Variants in SLC2A9 observed in about 807,000 individuals in gnomAD.
The protein encoded by SLC2A9 is solute carrier family 2, facilitated glucose transporter member 9.
SLC2A9 carries 39 observed loss-of-function variants against 50.6 expected under a neutral mutation model. The observed-to-expected ratio is 0.77, with a 90% CI of 0.60 to 1.01. SLC2A9 has a LOEUF of 1.01. Ranked by LOEUF, SLC2A9 falls within the 50% of genes least tolerant of loss-of-function variation. The probability of loss-of-function intolerance (pLI) is 0.00; values close to 1 mark genes in which losing one functional copy is unlikely to be tolerated. For missense variants in SLC2A9, 686 were observed against 677.6 expected (o/e 1.01, Z -0.14); for synonymous variants, 324 against 276.9 (o/e 1.17, Z -1.69).
At chr4:9,980,238 G>C (rs1241836141) in intron 5 of SLC2A9, among the ~76,000 whole-genome samples, 14 of 152,130 alleles carry the variant, frequency 9.2e-5, no homozygotes, top group Non-Finnish European at 5.9e-5. Context: ...GAAAACACCA[G>C]GTTGTAGAAC....
At chr4:9,974,048 C>T (rs908527377) in intron 5 of SLC2A9, among the ~76,000 whole-genome samples, 2 of 152,052 alleles carry the variant, frequency 1.3e-5, no homozygotes, top group East Asian at 1.9e-4. Flanking sequence ...TGATTCACCA[C>T]AATAGATGCA....
Position 10,019,011 on chromosome 4 carries a change from G to T in SLC2A9, c.213C>A (p.Tyr71Ter). Residue 71 changes from tyrosine to a stop codon, truncating the protein, a stop_gained, in exon 2 of 12, where the codon TAC (tyrosine) becomes TAA (stop). Coordinates refer to ENST00000264784, the MANE Select transcript of SLC2A9 (RefSeq NM_020041.3). LOFTEE classifies it high-confidence loss of function. ...CATTCACCACCGACAGGTTGTAGCCGTAGAGGAAGGAGGAGCCGAAGGCGC... is the reference window on the plus strand; with the variant it reads ...CATTCACCACCGACAGGTTGTAGCCTTAGAGGAAGGAGGAGCCGAAGGCGC... ...LAGAFGSSFL[Y>*]GYNLSVVNAP... The T allele has an allele frequency of 6.4e-7, 1 of 1,550,776 alleles. No individual in the cohort carries two copies. Among genetic ancestry groups the T allele is most frequent in the Non-Finnish European group, 8.7e-7 (1 of 1,146,990 alleles).
At chr4:9,782,266 C>A (rs1383756235) in intron 3 of SLC2A9, 1 of 1,613,948 alleles carries the variant, frequency 6.2e-7, no homozygotes, top group Middle Eastern at 1.7e-4. Context: ...CCAACGTCTT[C>A]ATCGTGTCTC....
At chr4:9,960,448 G>A (rs529575709) in intron 5 of SLC2A9, among the ~76,000 whole-genome samples, 1 of 152,296 alleles carries the variant, frequency 6.6e-6, no homozygotes, top group South Asian at 2.1e-4. Flanking sequence ...GGGAAGAAAG[G>A]GGAATATGAA....
chr4:9,845,427 C>CTT lies in SLC2A9; in HGVS notation c.1292-10421_1292-10420dup, dbSNP rs1175166447. Among the ~76,000 whole-genome samples, 515 of 108,656 alleles carry CTT rather than the reference C, an allele frequency of 4.7e-3. 53 individuals carry two copies. Among genetic ancestry groups the CTT allele is most frequent in the African/African-American group, 0.013 (319 of 24,528 alleles). 71.3% of individuals were successfully genotyped at this position (108,656 alleles called of 152,430 possible). A position where few individuals can be genotyped will look rare whatever the true frequency, so the allele number is the denominator to read the frequency against. The stretch of plus-strand genomic sequence containing the variant: ...CCAATGGAACCACGATCATCAATTT[C>CTT]TTTTTTTTTTTTTTTTTTTTGAGAC... On this transcript the variant is annotated intron_variant, in intron 10 of 11. Transcript: ENST00000264784.
intron 10 of SLC2A9, among the ~76,000 whole-genome samples, chr4:9,884,465 A>G (rs1428656165): frequency 6.6e-6 from 1 of 151,890 alleles, no homozygotes. Context: ...TTAATTAGTA[A>G]AGTTGGGCTT....
intron 2 of SLC2A9, among the ~76,000 whole-genome samples, chr4:9,997,809 C>A (rs1758990857): frequency 6.6e-6 from 1 of 151,774 alleles, no homozygotes; most frequent in Non-Finnish European, 1.5e-5. Context: ...TGAATATAAT[C>A]AAGATTAACA....
intron 2 of SLC2A9, among the ~76,000 whole-genome samples, chr4:10,013,604 G>A (rs569775608): frequency 6.6e-6 from 1 of 152,358 alleles, no homozygotes; most frequent in South Asian, 2.1e-4. Context: ...CCTGGGTCAA[G>A]TGCAGAGCTG....
chr4:9,879,637 G>A (rs926041651), intron 10 of SLC2A9: 44 of 985,116 alleles, frequency 4.5e-5, no homozygotes, highest in South Asian at 4.7e-5. Flanking sequence ...ACCTTAATTC[G>A]CACCTTGATA....
chr4:9,859,805 G>A (rs997722311), intron 10 of SLC2A9, among the ~76,000 whole-genome samples: 1 of 152,222 alleles, frequency 6.6e-6, no homozygotes, highest in Admixed American at 6.5e-5. Context: ...CAAAGCCCCT[G>A]CTGGAAGTCA....
intron 5 of SLC2A9, among the ~76,000 whole-genome samples, chr4:9,956,718 C>T (rs59924619): frequency 0.2 from 29,686 of 151,870 alleles, 3,118 homozygotes; most frequent in African/African-American, 0.22. Context: ...AAAATTTATT[C>T]ATTTGAAGTT....
chr4:9,838,683 A>G (rs535618633), intron 10 of SLC2A9, among the ~76,000 whole-genome samples: 1 of 152,296 alleles, frequency 6.6e-6, no homozygotes, highest in South Asian at 2.1e-4. Context: ...CAAAATAGAG[A>G]ACCCAGAAAT....
intron 2 of SLC2A9, among the ~76,000 whole-genome samples, chr4:10,014,655 T>C (rs1762309522): frequency 6.6e-6 from 1 of 152,166 alleles, no homozygotes. Flanking sequence ...CCTCCCCAGG[T>C]AGAATACAGT....
chr4:9,997,059 A>T lies in SLC2A9; in HGVS notation c.250-118T>A, dbSNP rs909620491. 6.6e-6 allele frequency: 8 copies of T among 1,217,120 alleles called. No homozygotes were observed. In the African/African-American group the frequency reaches 1.0e-4, roughly 16 times the overall value. 75.4% of individuals were successfully genotyped at this position (1,217,120 alleles called of 1,614,324 possible). ...CATTTTCATGCATAGCACTTTGCTA[A>T]TTTGTTTGAGCTTTATCTCATTGGC... On this transcript the variant is annotated intron_variant, in intron 2 of 11. Transcript: ENST00000264784.
intron 11 of SLC2A9, among the ~76,000 whole-genome samples, chr4:9,834,568 G>C (rs573687475): frequency 6.6e-6 from 1 of 152,282 alleles, no homozygotes; most frequent in Admixed American, 6.5e-5. Flanking sequence ...CTTACACAGT[G>C]ATGAGCACAT....
At chr4:9,901,679 C>G (rs969222840) in intron 8 of SLC2A9, among the ~76,000 whole-genome samples, 3 of 152,072 alleles carry the variant, frequency 2.0e-5, no homozygotes, top group East Asian at 3.9e-4. Flanking sequence ...CATGCCCCCC[C>G]ACCAGCCCCT....
chr4:9,960,437 A>G (rs1752080199), intron 5 of SLC2A9, among the ~76,000 whole-genome samples: 1 of 152,212 alleles, frequency 6.6e-6, no homozygotes, highest in Non-Finnish European at 1.5e-5. Context: ...GGGCAGTGCC[A>G]GGGAAGAAAG....
At position 9,783,840 on chromosome 4, in the gene SLC2A9, G is replaced by A. The variant is rs1203506019; in HGVS notation, n.386-3775C>T. 5 of 212,440 alleles carry A rather than the reference G, an allele frequency of 2.4e-5. No homozygotes were observed. The South Asian group carries it at 3.2e-4, about 13-fold the overall frequency. The allele number at this position is 212,440 out of a possible 1,614,324, so 13.2% of individuals were successfully genotyped here. A position where few individuals can be genotyped will look rare whatever the true frequency, so the allele number is the denominator to read the frequency against. On this transcript the variant is annotated intron_variant and non_coding_transcript_variant, in intron 3 of 3. Transcript: ENST00000503803. The stretch of plus-strand genomic sequence containing the variant: ...GTTTGAATTGATTTTTAAACAGCAG[G>A]TTGTGTGTGTGTGCAGTGATGTGGT...
intron 7 of SLC2A9, among the ~76,000 whole-genome samples, chr4:9,917,755 G>A (rs945891358): frequency 6.6e-6 from 1 of 152,166 alleles, no homozygotes; most frequent in Non-Finnish European, 1.5e-5. Flanking sequence ...TTGCTCCCAT[G>A]GGATGTTTGG....
Sources: gnomAD v4.1 joint callset for allele counts (sites outside exome capture counted in the v4.1 genomes callset) on GRCh38, gnomAD v4.1.1 for gene constraint, MANE v1.5 for transcripts, NCBI Gene and HGNC (gene_info 2026-07-23, HGNC 2026-07-21) for gene names.